NTN1: variants seen among roughly 807,000 people sequenced by gnomAD.
NTN1 encodes netrin 1, also known as netrin-1.
NTN1 carries 11 observed loss-of-function variants against 54.2 expected under a neutral mutation model. That is an observed-to-expected ratio of 0.20 (90% confidence interval 0.13 to 0.34). The LOEUF is 0.34. Among genes scored for constraint, NTN1 ranks in the 10% least tolerant of loss-of-function variants. NTN1 has a pLI of 1.00. For missense variants in NTN1, 740 were observed against 893.1 expected, an observed-to-expected ratio of 0.83 and a Z score of 2.18; for synonymous variants, 371 against 382.0, an observed-to-expected ratio of 0.97 and a Z score of 0.33.
chr17:9,064,730 A>G (rs1251781401), intron 2 of NTN1, among the ~76,000 whole-genome samples: 1 of 151,908 alleles, frequency 6.6e-6, no homozygotes, highest in Non-Finnish European at 1.5e-5. Context: ...TGCTTCCACT[A>G]GCTCCTCAGT....
chr17:9,018,078 T>G (rs1381411568), upstream of NTN1, among the ~76,000 whole-genome samples: 2 of 151,094 alleles, frequency 1.3e-5, no homozygotes, highest in African/African-American at 2.4e-5. Flanking sequence ...GAGAGGGGGG[T>G]TTGGAATGGA....
At chr17:9,052,481 T>C (rs2091964348) in intron 2 of NTN1, among the ~76,000 whole-genome samples, 1 of 152,084 alleles carries the variant, frequency 6.6e-6, no homozygotes, top group South Asian at 2.1e-4. Context: ...CAATCGAACA[T>C]CAATAAGTCT....
chr17:9,091,296 C>A (rs996166334), intron 2 of NTN1, among the ~76,000 whole-genome samples: 28 of 152,276 alleles, frequency 1.8e-4, no homozygotes, highest in Non-Finnish European at 3.4e-4. Context: ...CCCTCTCCCC[C>A]AGACTGGAGT....
At chr17:9,108,286 G>A (rs1352704695) in intron 2 of NTN1, among the ~76,000 whole-genome samples, 1 of 152,156 alleles carries the variant, frequency 6.6e-6, no homozygotes, top group Non-Finnish European at 1.5e-5. Context: ...GAAGCAGGCG[G>A]TGGGGATGTT....
chr17:9,080,103 G>A (rs1056392420), intron 2 of NTN1, among the ~76,000 whole-genome samples: 6 of 152,352 alleles, frequency 3.9e-5, no homozygotes, highest in Admixed American at 6.5e-5. Context: ...GCTCCCTGAG[G>A]AAGTGATTCT....
intron 2 of NTN1, among the ~76,000 whole-genome samples, chr17:9,156,033 A>G (rs1306336834): frequency 6.6e-6 from 1 of 152,138 alleles, no homozygotes; most frequent in Non-Finnish European, 1.5e-5. Flanking sequence ...CCCAGGAGCC[A>G]TGGACTTACC....
At chr17:9,043,139 A>G (rs1199086679) in intron 2 of NTN1, among the ~76,000 whole-genome samples, 1 of 152,210 alleles carries the variant, frequency 6.6e-6, no homozygotes, top group African/African-American at 2.4e-5. Flanking sequence ...GATTCTATAT[A>G]ATAATCACTA....
chr17:9,100,819 A>G (rs886243808), intron 2 of NTN1, among the ~76,000 whole-genome samples: 7 of 151,840 alleles, frequency 4.6e-5, no homozygotes, highest in Non-Finnish European at 1.0e-4. Flanking sequence ...TCATCCTGTC[A>G]GTTAGTATCT....
intron 2 of NTN1, among the ~76,000 whole-genome samples, chr17:9,144,230 A>C (rs2092306723): frequency 6.7e-6 from 1 of 148,304 alleles, no homozygotes; most frequent in Non-Finnish European, 1.5e-5. Context: ...CCCATAATGA[A>C]CTCATCCAGT....
At chr17:9,112,119 C>T (rs1354530716) in intron 2 of NTN1, among the ~76,000 whole-genome samples, 1 of 152,210 alleles carries the variant, frequency 6.6e-6, no homozygotes, top group African/African-American at 2.4e-5. Context: ...TAGCTGTGCC[C>T]ATTGATCTGC....
At chr17:9,132,633 G>C (rs1029791196) in intron 2 of NTN1, among the ~76,000 whole-genome samples, 5 of 152,130 alleles carry the variant, frequency 3.3e-5, no homozygotes, top group Admixed American at 1.3e-4. Flanking sequence ...CCACCACTTT[G>C]GGGGGCTGAG....
At chr17:9,178,283 G>T (rs1050153664) in intron 3 of NTN1, among the ~76,000 whole-genome samples, 5 of 152,190 alleles carry the variant, frequency 3.3e-5, no homozygotes, top group African/African-American at 1.2e-4. Context: ...TACAGGCAGG[G>T]AGCCCTGTAG....
intron 2 of NTN1, among the ~76,000 whole-genome samples, chr17:9,152,210 C>A (rs2092329871): frequency 2.0e-5 from 3 of 152,214 alleles, no homozygotes; most frequent in Admixed American, 6.5e-5. Flanking sequence ...CGGCTTCATT[C>A]TTGAAGTGAG....
intron 5 of NTN1, among the ~76,000 whole-genome samples, chr17:9,207,699 C>T (rs16958048): frequency 0.064 from 9,814 of 152,232 alleles, 711 homozygotes; most frequent in East Asian, 0.34. Flanking sequence ...ACTGGAGCCG[C>T]GGATTGTATC....
intron 2 of NTN1, among the ~76,000 whole-genome samples, chr17:9,118,884 G>T (rs1165075047): frequency 6.6e-6 from 1 of 152,090 alleles, no homozygotes; most frequent in African/African-American, 2.4e-5. Context: ...ATTGCATTTT[G>T]TGTATTCATT....
At chr17:9,031,735 G>A (rs971423187) in intron 2 of NTN1, among the ~76,000 whole-genome samples, 3 of 151,978 alleles carry the variant, frequency 2.0e-5, no homozygotes, top group Admixed American at 6.6e-5. Context: ...ATTTGAGGTC[G>A]GGAGTTCGAG....
At chr17:9,156,118 G>A (rs2092341270) in intron 2 of NTN1, among the ~76,000 whole-genome samples, 1 of 152,176 alleles carries the variant, frequency 6.6e-6, no homozygotes, top group African/African-American at 2.4e-5. Flanking sequence ...ACCTGCCCAT[G>A]TGGCCTGGAC....
At chr17:9,073,092 A>T (rs563922050) in intron 2 of NTN1, among the ~76,000 whole-genome samples, 2 of 152,226 alleles carry the variant, frequency 1.3e-5, no homozygotes, top group Non-Finnish European at 2.9e-5. Flanking sequence ...GGACGAGCGG[A>T]TATTGAAAGC....
At chr17:9,207,019 C>T (rs556696570) in intron 5 of NTN1, among the ~76,000 whole-genome samples, 4 of 152,216 alleles carry the variant, frequency 2.6e-5, no homozygotes, top group Admixed American at 6.5e-5. Context: ...ATGGGAGTGC[C>T]GGAATTGCTC....
Sources: gnomAD v4.1 joint callset for allele counts (sites outside exome capture counted in the v4.1 genomes callset) on GRCh38, gnomAD v4.1.1 for gene constraint, MANE v1.5 for transcripts, NCBI Gene and HGNC (gene_info 2026-07-23, HGNC 2026-07-21) for gene names.